NAA11: variants seen among roughly 807,000 people sequenced by gnomAD.
NAA11 encodes the protein N-alpha-acetyltransferase 11.
NAA11 carries 15 observed loss-of-function variants against 16.1 expected under a neutral mutation model. The ratio of observed to expected loss-of-function variants is 0.93; its 90% CI spans 0.62 to 1.44. The LOEUF (loss-of-function observed/expected upper bound fraction) is 1.44, where lower values mean the gene tolerates loss of function less well. Ranked by LOEUF, NAA11 falls within the 40% of genes most tolerant of loss-of-function variation. The pLI is 0.00. For missense variants in NAA11, 298 were observed against 291.3 expected (o/e 1.02, Z -0.17); for synonymous variants, 122 against 112.4 (o/e 1.09, Z -0.54).
intron 2 of NAA11, among the ~76,000 whole-genome samples, chr4:79,284,296 C>T (rs1448263678): frequency 1.3e-5 from 2 of 152,080 alleles, no homozygotes; most frequent in Non-Finnish European, 2.9e-5. Context: ...AATGCTTAAC[C>T]ATGGCTCTGG....
At chr4:79,180,482 CTCA>C in the NAA11 span, among the ~76,000 whole-genome samples, 4 of 152,150 alleles carry the variant, frequency 2.6e-5, no homozygotes. Context: ...GGAAAAAATG[CTCA>C]TCATCACTGG....
chr4:79,164,727 A>G, the NAA11 span, among the ~76,000 whole-genome samples: 7 of 152,222 alleles, frequency 4.6e-5, no homozygotes, highest in African/African-American at 1.7e-4. Flanking sequence ...AGCTGGCAAT[A>G]TATGACTTTG....
the NAA11 span, among the ~76,000 whole-genome samples, chr4:79,201,248 A>G: frequency 9.9e-5 from 15 of 151,712 alleles, no homozygotes; most frequent in African/African-American, 3.6e-4. Context: ...ATTTCCTTAT[A>G]CTAGATTCTC....
In NAA11 at chr4:79,325,434, C is replaced by T. The variant is rs1469207767; in HGVS notation, c.444G>A (p.Lys148=). The change falls in exon 1 of 2, where the codon AAG becomes AAA. Residue 148 remains lysine, a synonymous_variant. Coordinates refer to ENST00000286794, the MANE Select transcript of NAA11 (RefSeq NM_032693.3). Reference sequence around the variant, plus strand: ...CATCTGCCATCTGCGAGAGATCCCGCTTCATAGCATAAGCATCTTCCCCAT... The same window carrying T: ...CATCTGCCATCTGCGAGAGATCCCGTTTCATAGCATAAGCATCTTCCCCAT... ...YADGEDAYAM[K]RDLSQMADEL... The T allele has an allele frequency of 1.9e-6, 3 of 1,614,102 alleles. No individual in the cohort carries two copies. Among genetic ancestry groups the T allele is most frequent in the African/African-American group, 1.3e-5 (1 of 74,922 alleles).
At chr4:79,165,538 C>T in the NAA11 span, among the ~76,000 whole-genome samples, 1 of 152,296 alleles carries the variant, frequency 6.6e-6, no homozygotes, top group East Asian at 1.9e-4. Context: ...GAGTGCTTCT[C>T]CAGTGATGCC....
At chr4:79,222,305 G>C (rs1182765721), downstream of NAA11, among the ~76,000 whole-genome samples, 4 of 151,536 alleles carry the variant, frequency 2.6e-5, no homozygotes, top group Admixed American at 6.6e-5. Flanking sequence ...TATCAATTTT[G>C]TTGATCCTTT....
chr4:79,320,388 A>G (rs1724056445), intron 1 of NAA11, among the ~76,000 whole-genome samples: 1 of 152,204 alleles, frequency 6.6e-6, no homozygotes, highest in Non-Finnish European at 1.5e-5. Context: ...GCTAAAATTT[A>G]TTGATTATTT....
intron 1 of NAA11, among the ~76,000 whole-genome samples, chr4:79,300,542 G>A (rs1723356032): frequency 6.6e-6 from 1 of 152,144 alleles, no homozygotes; most frequent in African/African-American, 2.4e-5. Context: ...ATTTTGCTAA[G>A]AACTATACAG....
At chr4:79,260,766 C>T (rs771464756) in intron 2 of NAA11, among the ~76,000 whole-genome samples, 11 of 152,158 alleles carry the variant, frequency 7.2e-5, no homozygotes, top group Non-Finnish European at 1.5e-4. Context: ...TATAGTCCTC[C>T]AAATGAAGAA....
chr4:79,167,089 G>A, the NAA11 span, among the ~76,000 whole-genome samples: 1 of 112,978 alleles, frequency 8.9e-6, no homozygotes, highest in Non-Finnish European at 1.8e-5. Flanking sequence ...CACCAAAGAA[G>A]GGGAAACGGA....
rs765656228 is a variant in NAA11 at position 79,325,897 on chromosome 4, C to T, written c.-20G>A. ...GTTCATAATGGCAGAGGGTAGGGAA[C>T]CGGTTGGACTGCAGTGAACCCAGAA... is the stretch of plus-strand genomic sequence containing the variant. On this transcript the variant is annotated 5_prime_UTR_variant, in exon 1 of 2. Transcript: ENST00000286794. 42 of 1,587,862 alleles carry T rather than the reference C, an allele frequency of 2.6e-5. No homozygotes were observed. The highest frequency in any genetic ancestry group is 3.6e-5 in the Non-Finnish European group (42 of 1,165,972).
chr4:79,206,378 C>T, the NAA11 span, among the ~76,000 whole-genome samples: 1 of 151,870 alleles, frequency 6.6e-6, no homozygotes, highest in Non-Finnish European at 1.5e-5. Context: ...AAAGACTTTC[C>T]CCCCCATCTA....
At chr4:79,181,884 T>C in the NAA11 span, among the ~76,000 whole-genome samples, 2 of 152,204 alleles carry the variant, frequency 1.3e-5, no homozygotes, top group African/African-American at 2.4e-5. Context: ...TTGAAAATCA[T>C]CTTCTGATAG....
intron 2 of NAA11, among the ~76,000 whole-genome samples, chr4:79,275,554 A>G (rs997282029): frequency 2.6e-5 from 4 of 152,094 alleles, no homozygotes; most frequent in Non-Finnish European, 4.4e-5. Flanking sequence ...CCTTTCTGTC[A>G]TATGTATAGT....
At chr4:79,258,917 C>A in intron 2 of NAA11, 1 of 196,778 alleles carries the variant, frequency 5.1e-6, no homozygotes, top group Non-Finnish European at 1.0e-5. Flanking sequence ...ATTCCAGGGC[C>A]TCCTCTCTGC....
intron 2 of NAA11, among the ~76,000 whole-genome samples, chr4:79,269,128 T>A (rs1159076401): frequency 7.2e-6 from 1 of 138,628 alleles, no homozygotes; most frequent in African/African-American, 2.8e-5. Context: ...TGGTTCCAAG[T>A]CTTTGCTATT....
At chr4:79,226,945 G>C (rs1366761183) in intron 2 of NAA11, among the ~76,000 whole-genome samples, 6 of 152,096 alleles carry the variant, frequency 3.9e-5, no homozygotes, top group Admixed American at 6.5e-5. Context: ...TATATACCCA[G>C]TAATGGGATG....
chr4:79,244,720 C>T (rs1248292154), intron 2 of NAA11: 1 of 146,900 alleles, frequency 6.8e-6, no homozygotes, highest in Admixed American at 6.9e-5. Context: ...CTCACTGCAG[C>T]CTCCCTGCCT....
chr4:79,303,071 GCCTTTTATATATATATATATATATATAT>G (rs1723440937), intron 1 of NAA11, among the ~76,000 whole-genome samples: 2 of 86,596 alleles, frequency 2.3e-5, no homozygotes, highest in African/African-American at 9.6e-5. Flanking sequence ...TTCTCTTGAG[GCCTTTTATATATATATATATATATATAT>G]ATATATATAT....
Sources: gnomAD v4.1 joint callset for allele counts (sites outside exome capture counted in the v4.1 genomes callset) on GRCh38, gnomAD v4.1.1 for gene constraint, MANE v1.5 for transcripts, NCBI Gene and HGNC (gene_info 2026-07-23, HGNC 2026-07-21) for gene names.